C14orf93: variants seen among roughly 807,000 people sequenced by gnomAD.
The protein encoded by C14orf93 is chromosome 14 open reading frame 93.
In C14orf93, 23 loss-of-function variants were observed where a neutral mutation model predicts 44.0. That is an observed-to-expected ratio of 0.52 (90% CI 0.38 to 0.74). The LOEUF is 0.74. C14orf93 is among the 30% of genes least tolerant of loss of function. The probability of loss-of-function intolerance (pLI) is 0.00; values close to 1 mark genes in which losing one functional copy is unlikely to be tolerated. For missense variants in C14orf93, 579 were observed against 678.9 expected (o/e 0.85, Z 1.64); for synonymous variants, 253 against 265.7 (o/e 0.95, Z 0.46).
rs2045234862 is a variant in C14orf93 at position 22,986,530 on chromosome 14, T to G, written c.*685A>C. On this transcript the variant is annotated 3_prime_UTR_variant, in exon 7 of 7. Coordinates refer to ENST00000299088, the MANE Select transcript of C14orf93 (RefSeq NM_021944.4). ...CAGGACCAAGAAACAGCTACAAAGC[T>G]GTGTATTTTGCTTGGTCACATAGTG... 6.6e-6 allele frequency: 1 copy of G among 152,336 alleles called. No homozygotes were observed. The highest frequency in any genetic ancestry group is 6.5e-5 in the Admixed American group (1 of 15,280). The allele number at this position is 152,336 out of a possible 1,614,324, so 9.4% of individuals were successfully genotyped here.
chr14:22,988,027 G>A lies in C14orf93; in HGVS notation c.1085-12C>T, dbSNP rs749368483. Reference sequence around the variant, plus strand: ...GGCCACACAGGCTCCTGGCGGGGAGGGAAGGAAGGGAGCAAGAAGGAGGGT... The same window carrying A: ...GGCCACACAGGCTCCTGGCGGGGAGAGAAGGAAGGGAGCAAGAAGGAGGGT... On this transcript the variant is annotated splice_polypyrimidine_tract_variant and intron_variant, in intron 5 of 6. Coordinates refer to ENST00000299088, the MANE Select transcript of C14orf93 (RefSeq NM_021944.4). 1.3e-6 allele frequency: 2 copies of A among 1,586,670 alleles called. No homozygotes were observed. Among genetic ancestry groups the A allele is most frequent in the Non-Finnish European group, 1.7e-6 (2 of 1,156,444 alleles).
At chr14:22,998,235 G>T in intron 2 of C14orf93, 192 bp downstream of exon 2, 3 of 840,418 alleles carry the variant, frequency 3.6e-6, no homozygotes, top group Non-Finnish European at 5.1e-6. Flanking sequence ...ATGACCTTCT[G>T]CCAAAGAAGC....
intron 3 of C14orf93, 21 bp downstream of exon 3, chr14:22,995,927 A>C (rs528198435): frequency 6.5e-7 from 1 of 1,536,592 alleles, no homozygotes; most frequent in South Asian, 1.3e-5. Context: ...AGAAAAATTT[A>C]TAGAAACTGA....
chr14:23,000,655 G>T (rs2046242347), intron 1 of C14orf93, among the ~76,000 whole-genome samples: 1 of 148,696 alleles, frequency 6.7e-6, no homozygotes, highest in Admixed American at 6.8e-5. Context: ...GGCAAAGGTT[G>T]CAGTGAGCCG....
intron 1 of C14orf93, among the ~76,000 whole-genome samples, chr14:23,003,914 T>A (rs1440226930): frequency 2.0e-4 from 15 of 74,728 alleles, no homozygotes; most frequent in African/African-American, 6.4e-4. Context: ...TTTTTTTTTT[T>A]TTTTTTTTTT....
At chr14:22,999,747 T>G (rs1351687712) in intron 1 of C14orf93, among the ~76,000 whole-genome samples, 1 of 152,224 alleles carries the variant, frequency 6.6e-6, no homozygotes, top group Admixed American at 6.5e-5. Context: ...CTACCCTCTC[T>G]GTAATTTTCA....
rs900058394 is a variant in C14orf93 at position 23,007,475 on chromosome 14, G to C, written c.-380+2626C>G. ...TGGTGGCCGACTTTTAGTTACTGCT[G>C]GCCTCGGTTACATTTCTTTCACATG... On this transcript the variant is annotated intron_variant, in intron 1 of 6. Coordinates refer to ENST00000299088, the MANE Select transcript of C14orf93 (RefSeq NM_021944.4). Among the ~76,000 whole-genome samples the C allele has an allele frequency of 6.6e-5, 10 of 152,294 alleles. 1 individual carries two copies. The highest frequency in any genetic ancestry group is 6.8e-3 in the Middle Eastern group (2 of 294).
intron 1 of C14orf93, among the ~76,000 whole-genome samples, chr14:23,009,504 T>C (rs952278709): frequency 6.6e-6 from 1 of 151,976 alleles, no homozygotes; most frequent in Admixed American, 6.5e-5. Flanking sequence ...CACACACAAA[T>C]GTTCTAATGA....
At position 22,998,932 on chromosome 14, in the gene C14orf93, C is replaced by T; in HGVS notation, c.92G>A (p.Gly31Asp). ...ATTCCCACCCTGGGAGCCTGTGTTG[C>T]CTCCATTAGTCTCACTCTTACAGGC... is the stretch of plus-strand genomic sequence containing the variant. ...CCACKSETNG[G>D]NTGSQGGNPP... The change falls in exon 2 of 7, where the codon GGC becomes GAC. Residue 31 changes from glycine (G) to aspartate (D), a missense_variant. Physicochemically the swap from Gly to Asp is moderately conservative, Grantham distance 94. Coordinates refer to ENST00000299088, the MANE Select transcript of C14orf93 (RefSeq NM_021944.4). 6.2e-7 allele frequency: 1 copy of T among 1,614,082 alleles called. No homozygotes were observed. Among genetic ancestry groups the T allele is most frequent in the Non-Finnish European group, 8.5e-7 (1 of 1,180,040 alleles).
At chr14:22,999,943 A>T (rs1163556438) in intron 1 of C14orf93, 3 of 152,218 alleles carry the variant, frequency 2.0e-5, no homozygotes, top group African/African-American at 4.8e-5. Context: ...CCCCTTTCCC[A>T]CATAGTCGTG....
chr14:23,003,636 A>G lies in C14orf93; in HGVS notation c.-379-4234T>C, dbSNP rs577447270. ...CCCTGTCTCTACTAAAGATACAAAA[A>G]ACAAAACAAAAAAAAGTAGCCGCGC... On this transcript the variant is annotated intron_variant, in intron 1 of 6. Coordinates refer to ENST00000299088, the MANE Select transcript of C14orf93 (RefSeq NM_021944.4). 2.0e-5 allele frequency among the ~76,000 whole-genome samples: 3 copies of G among 151,704 alleles called. No homozygotes were observed. In the South Asian group the frequency reaches 6.2e-4, roughly 32 times the overall value.
chr14:22,992,965 C>T (rs772389125), intron 3 of C14orf93, among the ~76,000 whole-genome samples: 35 of 151,902 alleles, frequency 2.3e-4, no homozygotes, highest in Non-Finnish European at 4.3e-4. Context: ...CTGCAACCTC[C>T]GCCTCCCAGG....
chr14:22,998,910 C>G lies in C14orf93; in HGVS notation c.114G>C (p.Gly38=). The change falls in exon 2 of 7, where the codon GGG becomes GGC. Residue 38 remains glycine, a synonymous_variant. Coordinates refer to ENST00000299088, the MANE Select transcript of C14orf93 (RefSeq NM_021944.4). ...TGATGGGGGTGCTGGGAGGAGGATT[C>G]CCACCCTGGGAGCCTGTGTTGCCTC... ...TNGGNTGSQG[G]NPPPSTPITV... is the part of the protein sequence containing the mutation. 6.2e-7 allele frequency: 1 copy of G among 1,612,812 alleles called. No homozygotes were observed. Among genetic ancestry groups the G allele is most frequent in the Middle Eastern group, 1.7e-4 (1 of 6,054 alleles).
At chr14:22,997,550 C>T (rs1182740033) in intron 2 of C14orf93, among the ~76,000 whole-genome samples, 1 of 152,156 alleles carries the variant, frequency 6.6e-6, no homozygotes, top group Non-Finnish European at 1.5e-5. Context: ...TGCTCCATCT[C>T]CTTTTCATAC....
intron 1 of C14orf93, among the ~76,000 whole-genome samples, chr14:23,003,335 T>C (rs2046402218): frequency 6.6e-6 from 1 of 152,242 alleles, no homozygotes; most frequent in South Asian, 2.1e-4. Flanking sequence ...CCTCTTGCTA[T>C]AGTCTCTCAC....
At chr14:22,989,218 C>T (rs2045436723) in intron 5 of C14orf93, among the ~76,000 whole-genome samples, 1 of 152,160 alleles carries the variant, frequency 6.6e-6, no homozygotes, top group South Asian at 2.1e-4. Flanking sequence ...GTCTCGAACT[C>T]CTGGACTGAA....
At chr14:23,004,554 A>G (rs185124674) in intron 1 of C14orf93, among the ~76,000 whole-genome samples, 1 of 152,332 alleles carries the variant, frequency 6.6e-6, no homozygotes, top group African/African-American at 2.4e-5. Flanking sequence ...CTCTACCTAT[A>G]AGGCACTTAA....
intron 1 of C14orf93, chr14:23,000,966 A>C (rs2046262936): frequency 6.6e-6 from 1 of 152,226 alleles, no homozygotes; most frequent in African/African-American, 2.4e-5. Flanking sequence ...TACTTCTCGC[A>C]AAAGCTTAAC....
chr14:22,998,278 C>T (rs1358376593), intron 2 of C14orf93, 149 bp downstream of exon 2: 1 of 1,156,178 alleles, frequency 8.6e-7, no homozygotes, highest in African/African-American at 1.6e-5. Context: ...AGCTGACTAT[C>T]CCTGAAGGAA....
Sources: allele counts gnomAD v4.1 joint callset (sites outside exome capture counted in the v4.1 genomes callset), GRCh38; gene constraint gnomAD v4.1.1; transcripts MANE v1.5; gene names NCBI Gene and HGNC (gene_info 2026-07-23, HGNC 2026-07-21).